HBP1: variants seen among roughly 807,000 people sequenced by gnomAD.
HBP1 encodes HMG-box transcription factor 1, also known as HMG box-containing protein 1.
HBP1 carries 20 observed loss-of-function variants against 62.6 expected under a neutral mutation model. That is an observed-to-expected ratio of 0.32 (90% CI 0.22 to 0.46). The LOEUF (loss-of-function observed/expected upper bound fraction) is 0.46. Ranked by LOEUF, HBP1 falls within the 20% of genes least tolerant of loss-of-function variation. The pLI is 1.00. For synonymous variants in HBP1, 232 were observed against 206.2 expected, an observed-to-expected ratio of 1.12 and a Z score of -1.07; for missense variants, 480 against 611.8, an observed-to-expected ratio of 0.78 and a Z score of 2.27.
At chr7:107,175,775 G>T (rs1325707778) in intron 1 of HBP1, among the ~76,000 whole-genome samples, 4 of 147,888 alleles carry the variant, frequency 2.7e-5, no homozygotes, top group Non-Finnish European at 5.9e-5. Context: ...GGAATGCAGT[G>T]GCGCAATCCC....
chr7:107,178,210 C>A (rs1386567609), intron 1 of HBP1, among the ~76,000 whole-genome samples: 10 of 152,134 alleles, frequency 6.6e-5, no homozygotes, highest in Admixed American at 6.6e-4. Flanking sequence ...GGTCTTGCTA[C>A]ATTGCCCAGG....
intron 1 of HBP1, chr7:107,169,705 G>T (rs189436331): frequency 0.018 from 17,647 of 981,718 alleles, 165 homozygotes; most frequent in Non-Finnish European, 0.02. Context: ...TGGGCCCCGG[G>T]GCTCATTGTT....
At chr7:107,169,271 G>T in intron 1 of HBP1, 86 bp downstream of exon 1, 1 of 718,406 alleles carries the variant, frequency 1.4e-6, no homozygotes. Context: ...GGAGGGCTCG[G>T]GTCCTCGTTC....
chr7:107,175,833 C>T (rs1482828448), intron 1 of HBP1, among the ~76,000 whole-genome samples: 1 of 151,672 alleles, frequency 6.6e-6, no homozygotes, highest in African/African-American at 2.4e-5. Context: ...TCTCCTGCCT[C>T]AGCCTCCCGA....
At chr7:107,198,610 CTGAA>C (rs1477435536) in intron 9 of HBP1, among the ~76,000 whole-genome samples, 1 of 152,160 alleles carries the variant, frequency 6.6e-6, no homozygotes, top group East Asian at 1.9e-4. Flanking sequence ...TATCTCTAAA[CTGAA>C]TGGGATAAAT....
intron 8 of HBP1, among the ~76,000 whole-genome samples, chr7:107,194,407 T>A (rs993701297): frequency 2.0e-5 from 3 of 152,242 alleles, no homozygotes; most frequent in African/African-American, 7.2e-5. Context: ...GAAGATATCT[T>A]ACAAAAACTG....
Position 107,201,425 on chromosome 7 carries a change from A to T in HBP1, c.1539A>T (p.Gln513His), listed in dbSNP as rs768129883. 6.2e-5 allele frequency: 97 copies of T among 1,576,978 alleles called. No homozygotes were observed. The South Asian group carries it at 8.5e-4, about 14-fold the overall frequency. Residue 513 changes from glutamine to histidine, a missense_variant, in exon 11 of 11, where the codon CAA (glutamine) becomes CAT (histidine). By Grantham distance (24) the Gln-to-His change is conservative (BLOSUM62 0). Around this residue, in one of 4 missense-constraint regions of HBP1, gnomAD observed 52 missense variants for 96.0 expected, o/e 0.54. Coordinates refer to ENST00000222574, the MANE Select transcript of HBP1 (RefSeq NM_012257.4). The part of the protein sequence containing the change: ...KRKRTNSGSQ[Q>H]H ...TTTTATTTCCACAGGGCTCACAACA[A>T]CATTAAACCAGGATGCTTATGTTCT...
chr7:107,175,354 G>C (rs1329572895), intron 1 of HBP1, among the ~76,000 whole-genome samples: 1 of 152,136 alleles, frequency 6.6e-6, no homozygotes, highest in African/African-American at 2.4e-5. Context: ...CTGTGAGGTA[G>C]GTACTTTTAT....
At chr7:107,185,525 T>C (rs562500935) in intron 3 of HBP1, among the ~76,000 whole-genome samples, 7 of 152,272 alleles carry the variant, frequency 4.6e-5, no homozygotes, top group African/African-American at 7.2e-5. Context: ...TATGTATTGA[T>C]AGAAAAATGA....
At chr7:107,179,255 A>T (rs1031979411) in intron 1 of HBP1, among the ~76,000 whole-genome samples, 1 of 152,174 alleles carries the variant, frequency 6.6e-6, no homozygotes, top group Non-Finnish European at 1.5e-5. Context: ...TATTAGTCTC[A>T]GTTTTTGCAT....
intron 6 of HBP1, among the ~76,000 whole-genome samples, chr7:107,188,747 T>C (rs890581325): frequency 2.0e-5 from 3 of 152,170 alleles, no homozygotes; most frequent in Non-Finnish European, 4.4e-5. Context: ...CTTTTCTTAT[T>C]TACCATCATC....
At position 107,185,867 on chromosome 7, in the gene HBP1, GTCC is replaced by G. The variant is rs1389554210; in HGVS notation, c.468_470del (p.Ser159del). On this transcript the variant is annotated inframe_deletion, in exon 4 of 11. Transcript: ENST00000222574. Reference sequence around the variant, plus strand: ...ATTCCTATGCACGCCCTCCACCAGTGTCCTCTTCTTCGAAGAGTGAACCAGCCT... The same window carrying G: ...ATTCCTATGCACGCCCTCCACCAGTGTCTTCTTCGAAGAGTGAACCAGCCT... 1.9e-6 allele frequency: 3 copies of G among 1,611,800 alleles called. No individual in the cohort carries two copies. The highest frequency in any genetic ancestry group is 1.7e-6 in the Non-Finnish European group (2 of 1,177,888).
chr7:107,198,349 T>C (rs1371296114), intron 9 of HBP1, among the ~76,000 whole-genome samples: 2 of 151,878 alleles, frequency 1.3e-5, no homozygotes, highest in East Asian at 1.9e-4. Context: ...GCTTGAACTA[T>C]AGGCATGCAC....
At chr7:107,180,749 AT>A (rs2115847863) in intron 2 of HBP1, among the ~76,000 whole-genome samples, 1 of 152,342 alleles carries the variant, frequency 6.6e-6, no homozygotes, top group South Asian at 2.1e-4. Flanking sequence ...ATGTTTGGAA[AT>A]TTAGAGATCT....
At chr7:107,176,447 A>C (rs1219480784) in intron 1 of HBP1, among the ~76,000 whole-genome samples, 1 of 152,194 alleles carries the variant, frequency 6.6e-6, no homozygotes, top group African/African-American at 2.4e-5. Context: ...CAGCATTGCA[A>C]CTAATACAAT....
Position 107,169,084 on chromosome 7 carries a change from G to A in HBP1, c.-117G>A. 7.0e-6 allele frequency: 9 copies of A among 1,286,696 alleles called. No individual in the cohort carries two copies. Among genetic ancestry groups the A allele is most frequent in the South Asian group, 5.0e-5 (4 of 80,710 alleles). 79.7% of individuals were successfully genotyped at this position (1,286,696 alleles called of 1,614,324 possible). On this transcript the variant is annotated 5_prime_UTR_variant, in exon 1 of 11. Coordinates refer to ENST00000222574, the MANE Select transcript of HBP1 (RefSeq NM_012257.4). The stretch of plus-strand genomic sequence containing the variant: ...AGCTGCCGCGGGAGCAGTAACCCGC[G>A]CGGGGGAGGCCGACGTCGGTCGGAG...
At chr7:107,174,709 T>C (rs117113959) in intron 1 of HBP1, 43,462 of 984,066 alleles carry the variant, frequency 0.044, 1,047 homozygotes, top group Non-Finnish European at 0.049. Context: ...TGAAGAGAGA[T>C]ACCTGTGTAG....
At chr7:107,196,210 G>A (rs947494587) in intron 9 of HBP1, 59 bp downstream of exon 9, 4 of 953,828 alleles carry the variant, frequency 4.2e-6, no homozygotes, top group Non-Finnish European at 6.8e-6. Context: ...ACGGTTCATG[G>A]TAACTGGAAT....
At chr7:107,189,226 A>G in intron 6 of HBP1, 66 bp from the exon 7 acceptor site, 2 of 1,341,570 alleles carry the variant, frequency 1.5e-6, no homozygotes, top group Admixed American at 1.9e-5. Context: ...CTTACATGTA[A>G]TGGGAACTTC....
Sources: allele counts gnomAD v4.1 joint callset (sites outside exome capture counted in the v4.1 genomes callset), GRCh38; gene constraint gnomAD v4.1.1; regional missense constraint gnomAD v4.1.1; transcripts MANE v1.5; gene names NCBI Gene and HGNC (gene_info 2026-07-23, HGNC 2026-07-21).